Variants in SH3KBP1 observed in about 807,000 individuals in gnomAD.
SH3KBP1 encodes SH3 domain containing kinase binding protein 1.
SH3KBP1 carries 8 observed loss-of-function variants against 50.1 expected under a neutral mutation model. The ratio of observed to expected loss-of-function variants is 0.16; its 90% CI spans 0.09 to 0.29. SH3KBP1 has a LOEUF of 0.29. SH3KBP1 is among the 10% of genes least tolerant of loss of function. The pLI, the probability that SH3KBP1 is intolerant of heterozygous loss-of-function variation, is 1.00. For synonymous variants in SH3KBP1, 227 were observed against 218.6 expected, an observed-to-expected ratio of 1.04 and a Z score of -0.34; for missense variants, 377 against 535.2, an observed-to-expected ratio of 0.70 and a Z score of 2.92.
chrX:19,811,059 CT>C (rs1009500237), intron 2 of SH3KBP1, among the ~76,000 whole-genome samples: 5 of 112,090 alleles, frequency 4.5e-5, no homozygotes, highest in Non-Finnish European at 7.5e-5. Flanking sequence ...GCTGAAACTA[CT>C]TTCATAGGGC....
At chrX:19,712,236 C>G (rs768897606) in intron 3 of SH3KBP1, among the ~76,000 whole-genome samples, 38 of 112,169 alleles carry the variant, frequency 3.4e-4, no homozygotes, top group African/African-American at 1.1e-3. Flanking sequence ...ACTAAAATAT[C>G]TGGTTGTGCT....
chrX:19,809,005 C>T (rs1304295568), intron 2 of SH3KBP1, among the ~76,000 whole-genome samples: 1 of 111,395 alleles, frequency 9.0e-6, no homozygotes, highest in Non-Finnish European at 1.9e-5. Context: ...GTTATATGCT[C>T]TTTTATATTT....
chrX:19,668,974 A>ATTTT (rs1241616577), intron 6 of SH3KBP1, among the ~76,000 whole-genome samples: 22 of 63,895 alleles, frequency 3.4e-4, no homozygotes, highest in East Asian at 1.3e-3. Flanking sequence ...ATATATATAT[A>ATTTT]TTTTTTGAGA....
chrX:19,849,865 T>C (rs1420744719), intron 1 of SH3KBP1, among the ~76,000 whole-genome samples: 1 of 111,767 alleles, frequency 8.9e-6, no homozygotes, highest in East Asian at 2.8e-4. Context: ...GTAAAAATGA[T>C]TGTGATTATG....
intron 7 of SH3KBP1, among the ~76,000 whole-genome samples, chrX:19,637,129 TA>T (rs2061724882): frequency 8.9e-6 from 1 of 112,296 alleles, no homozygotes. Context: ...GCATATACCA[TA>T]TAATACGTAA....
intron 4 of SH3KBP1, among the ~76,000 whole-genome samples, chrX:19,699,367 T>C (rs2063493211): frequency 8.9e-6 from 1 of 112,365 alleles, no homozygotes. Flanking sequence ...AGGACAATAA[T>C]AAAAGGGGGC....
chrX:19,704,856 T>G (rs1294567341), intron 4 of SH3KBP1, among the ~76,000 whole-genome samples: 1 of 112,551 alleles, frequency 8.9e-6, no homozygotes, highest in Non-Finnish European at 1.9e-5. Flanking sequence ...TTAATTCTCC[T>G]TCTTATTTTT....
chrX:19,617,259 T>C, intron 8 of SH3KBP1, among the ~76,000 whole-genome samples: 1 of 112,643 alleles, frequency 8.9e-6, no homozygotes. Flanking sequence ...TATTGTCCAA[T>C]GCCTAAAAAC....
At chrX:19,590,798 C>G (rs1037223342) in intron 11 of SH3KBP1, among the ~76,000 whole-genome samples, 5 of 100,712 alleles carry the variant, frequency 5.0e-5, no homozygotes, top group Non-Finnish European at 1.0e-4. Flanking sequence ...CACAGGCCAC[C>G]AGGCCTGGCT....
chrX:19,874,048 CAAAAAAAA>C (rs55948760), intron 1 of SH3KBP1, among the ~76,000 whole-genome samples: 91 of 26,292 alleles, frequency 3.5e-3, no homozygotes, highest in Non-Finnish European at 4.8e-3. Flanking sequence ...GAGTCCATCT[CAAAAAAAA>C]AAAAAAAAAA....
At chrX:19,630,830 C>T (rs2061559100) in intron 8 of SH3KBP1, among the ~76,000 whole-genome samples, 1 of 112,001 alleles carries the variant, frequency 8.9e-6, no homozygotes. Flanking sequence ...GAGGTAACCT[C>T]TTGATAACAA....
At chrX:19,619,379 T>A (rs1486421082) in intron 8 of SH3KBP1, among the ~76,000 whole-genome samples, 1 of 112,810 alleles carries the variant, frequency 8.9e-6, no homozygotes, top group African/African-American at 3.2e-5. Context: ...GTAAGATGGC[T>A]TTAAGTATTC....
intron 2 of SH3KBP1, among the ~76,000 whole-genome samples, chrX:19,772,220 G>A (rs2065808657): frequency 9.0e-6 from 1 of 111,591 alleles, no homozygotes; most frequent in South Asian, 3.7e-4. Flanking sequence ...CAATGATGGT[G>A]TCCTCTTTAA....
At chrX:19,859,381 C>G (rs1215485557) in intron 1 of SH3KBP1, among the ~76,000 whole-genome samples, 3 of 111,355 alleles carry the variant, frequency 2.7e-5, no homozygotes, top group Non-Finnish European at 5.7e-5. Flanking sequence ...CTCCTGACCT[C>G]AGGTGATCCA....
intron 6 of SH3KBP1, among the ~76,000 whole-genome samples, chrX:19,663,212 A>G (rs2148492739): frequency 8.9e-6 from 1 of 112,015 alleles, no homozygotes; most frequent in Non-Finnish European, 1.9e-5. Context: ...CACAAAATGC[A>G]AAAGAAAACC....
chrX:19,819,737 T>C (rs918843183), intron 2 of SH3KBP1, among the ~76,000 whole-genome samples: 1 of 111,173 alleles, frequency 9.0e-6, no homozygotes, highest in African/African-American at 3.3e-5. Flanking sequence ...CTTATCTTCA[T>C]TATTTCCTTC....
chrX:19,850,647 T>C (rs1430955779), intron 1 of SH3KBP1, among the ~76,000 whole-genome samples: 1 of 111,202 alleles, frequency 9.0e-6, no homozygotes. Flanking sequence ...AAAAGTGATA[T>C]TGTGATTATG....
chrX:19,885,803 TG>T (rs1349888912), intron 1 of SH3KBP1, among the ~76,000 whole-genome samples: 2 of 111,342 alleles, frequency 1.8e-5, no homozygotes, highest in Non-Finnish European at 3.8e-5. Context: ...AATCATCTTA[TG>T]GGCCAAAGCA....
chrX:19,866,168 C>T (rs1391699537), intron 1 of SH3KBP1, among the ~76,000 whole-genome samples: 1 of 111,543 alleles, frequency 9.0e-6, no homozygotes, highest in Non-Finnish European at 1.9e-5. Context: ...TCTACTGTGC[C>T]CAACCCAGGG....
Sources: gnomAD v4.1 joint callset for allele counts (sites outside exome capture counted in the v4.1 genomes callset) on GRCh38, gnomAD v4.1.1 for gene constraint, MANE v1.5 for transcripts, NCBI Gene and HGNC (gene_info 2026-07-23, HGNC 2026-07-21) for gene names.